FAM227B: variants seen among roughly 807,000 people sequenced by gnomAD.
FAM227B encodes family with sequence similarity 227 member B, also known as protein FAM227B.
In FAM227B, 88 loss-of-function variants were observed where a neutral mutation model predicts 73.8. That is an observed-to-expected ratio of 1.19 (90% confidence interval 1.00 to 1.42). FAM227B has a LOEUF of 1.42. Ranked by LOEUF, FAM227B falls within the 40% of genes most tolerant of loss-of-function variation. The pLI is 0.00. For missense variants in FAM227B, 632 were observed against 590.9 expected, an observed-to-expected ratio of 1.07 and a Z score of -0.72; for synonymous variants, 210 against 190.5, an observed-to-expected ratio of 1.10 and a Z score of -0.84.
intron 15 of FAM227B, chr15:49,329,063 G>A (rs750010916): frequency 3.3e-5 from 33 of 996,122 alleles, no homozygotes; most frequent in Non-Finnish European, 3.8e-5. Context: ...AATCCAAGAG[G>A]CACTTCCAAG....
chr15:49,422,145 A>AGAGAGAGAGAGAGAGAGAGT (rs757128514), intron 11 of FAM227B, among the ~76,000 whole-genome samples: 23 of 139,900 alleles, frequency 1.6e-4, no homozygotes, highest in South Asian at 2.8e-4. Flanking sequence ...AGAGAGAGAG[A>AGAGAGAGAGAGAGAGAGAGT]GTGTGTGTGT....
chr15:49,459,269 A>G (rs1429097523), intron 11 of FAM227B, among the ~76,000 whole-genome samples: 1 of 152,172 alleles, frequency 6.6e-6, no homozygotes, highest in African/African-American at 2.4e-5. Context: ...ATGGAGGAGT[A>G]GGCTCCCAAT....
chr15:49,367,110 A>G (rs909844965), intron 13 of FAM227B, among the ~76,000 whole-genome samples: 4 of 152,248 alleles, frequency 2.6e-5, no homozygotes, highest in African/African-American at 9.6e-5. Context: ...GAAGGCTAGA[A>G]GCCCATGCCT....
At chr15:49,391,896 T>G (rs952744786) in intron 11 of FAM227B, among the ~76,000 whole-genome samples, 1 of 152,076 alleles carries the variant, frequency 6.6e-6, no homozygotes, top group African/African-American at 2.4e-5. Flanking sequence ...GCTGCCCAAT[T>G]CTCCTTGCTT....
At chr15:49,395,204 G>A (rs1360992310) in intron 11 of FAM227B, among the ~76,000 whole-genome samples, 2 of 151,880 alleles carry the variant, frequency 1.3e-5, no homozygotes, top group African/African-American at 4.8e-5. Flanking sequence ...TAGTTACATG[G>A]TATTTTCTTT....
At chr15:49,369,815 A>C (rs2045684581) in intron 12 of FAM227B, among the ~76,000 whole-genome samples, 1 of 152,216 alleles carries the variant, frequency 6.6e-6, no homozygotes, top group South Asian at 2.1e-4. Context: ...GCTTTCCTAC[A>C]GTAGCTCTCT....
intron 2 of FAM227B, chr15:49,614,850 C>T (rs2078186787): frequency 1.3e-5 from 5 of 375,742 alleles, no homozygotes; most frequent in Non-Finnish European, 2.5e-5. Context: ...ACATTTCTTC[C>T]TTGCTATATA....
At chr15:49,344,172 GAAT>G (rs772710392) in intron 13 of FAM227B, 2 of 151,994 alleles carry the variant, frequency 1.3e-5, no homozygotes, top group East Asian at 1.9e-4. Context: ...ATTGTACAAA[GAAT>G]ATTATAGAAG....
intron 13 of FAM227B, among the ~76,000 whole-genome samples, chr15:49,359,588 A>G (rs1384452615): frequency 5.0e-5 from 6 of 118,838 alleles, no homozygotes; most frequent in Non-Finnish European, 7.4e-5. Context: ...GTCAGGAAAC[A>G]ACAGGTGCTG....
chr15:49,383,019 T>C (rs577205936), intron 11 of FAM227B, among the ~76,000 whole-genome samples: 28 of 152,282 alleles, frequency 1.8e-4, no homozygotes, highest in African/African-American at 6.5e-4. Flanking sequence ...CTTGTCTTTT[T>C]TTCCTACTTT....
intron 11 of FAM227B, among the ~76,000 whole-genome samples, chr15:49,495,287 G>T (rs2057496717): frequency 6.6e-6 from 1 of 152,118 alleles, no homozygotes; most frequent in South Asian, 2.1e-4. Context: ...AGCAAAAGGA[G>T]AGAAAACAGG....
chr15:49,477,056 T>C (rs2055401279), intron 11 of FAM227B, among the ~76,000 whole-genome samples: 1 of 126,214 alleles, frequency 7.9e-6, no homozygotes, highest in African/African-American at 3.4e-5. Context: ...CGAGACTCTG[T>C]CTCGAAAAAA....
chr15:49,464,830 G>A (rs1481698518), intron 11 of FAM227B, among the ~76,000 whole-genome samples: 4 of 152,182 alleles, frequency 2.6e-5, no homozygotes, highest in South Asian at 2.1e-4. Flanking sequence ...CTTGCTTAGC[G>A]TTAATAAAAA....
At chr15:49,463,275 C>T (rs2053963659) in intron 11 of FAM227B, among the ~76,000 whole-genome samples, 1 of 152,156 alleles carries the variant, frequency 6.6e-6, no homozygotes, top group Admixed American at 6.5e-5. Context: ...CAAATTCGGC[C>T]AGGCACAGTG....
At chr15:49,479,987 G>A (rs889179354) in intron 11 of FAM227B, among the ~76,000 whole-genome samples, 2 of 152,154 alleles carry the variant, frequency 1.3e-5, no homozygotes, top group African/African-American at 4.8e-5. Context: ...GTGAACAAAA[G>A]AGTGATAATG....
At chr15:49,605,519 C>T (rs2077459483) in intron 3 of FAM227B, among the ~76,000 whole-genome samples, 1 of 152,090 alleles carries the variant, frequency 6.6e-6, no homozygotes, top group African/African-American at 2.4e-5. Flanking sequence ...GGGGGTTGGC[C>T]TGGTGCTGGG....
intron 11 of FAM227B, among the ~76,000 whole-genome samples, chr15:49,428,951 G>A (rs2050359300): frequency 6.6e-6 from 1 of 151,964 alleles, no homozygotes; most frequent in South Asian, 2.1e-4. Flanking sequence ...ATTTGACTTT[G>A]GCTACAAAAC....
intron 11 of FAM227B, among the ~76,000 whole-genome samples, chr15:49,395,764 C>T (rs570159714): frequency 6.6e-6 from 1 of 152,228 alleles, no homozygotes; most frequent in East Asian, 1.9e-4. Flanking sequence ...CTTGCAAATA[C>T]CTGGTTGGTC....
At chr15:49,587,531 A>C (rs969396466) in intron 5 of FAM227B, among the ~76,000 whole-genome samples, 4 of 152,164 alleles carry the variant, frequency 2.6e-5, no homozygotes, top group Non-Finnish European at 5.9e-5. Context: ...TGGCTAGACT[A>C]ATGGTGATAC....
Sources: gnomAD v4.1 joint callset for allele counts (sites outside exome capture counted in the v4.1 genomes callset) on GRCh38, gnomAD v4.1.1 for gene constraint, MANE v1.5 for transcripts, NCBI Gene and HGNC (gene_info 2026-07-23, HGNC 2026-07-21) for gene names.